The following C12orf50 variants were observed in gnomAD, a reference collection of about 807,000 sequenced individuals.
C12orf50 encodes zinc finger CCCH-type containing 11D.
In C12orf50, 35 loss-of-function variants were observed where a neutral mutation model predicts 61.6. The ratio of observed to expected loss-of-function variants is 0.57; its 90% CI spans 0.43 to 0.75. The LOEUF (loss-of-function observed/expected upper bound fraction) is 0.75. Among genes scored for constraint, C12orf50 ranks in the 30% least tolerant of loss-of-function variants. The probability of loss-of-function intolerance (pLI) is 0.00; values close to 1 mark genes in which losing one functional copy is unlikely to be tolerated. For synonymous variants in C12orf50, 178 were observed against 161.5 expected (o/e 1.10, Z -0.77); for missense variants, 475 against 488.5 (o/e 0.97, Z 0.26).
chr12:87,998,204 G>T lies in C12orf50; in HGVS notation c.134-14C>A. The T allele has an allele frequency of 1.2e-6, 2 of 1,605,716 alleles. No individual in the cohort carries two copies. The highest frequency in any genetic ancestry group is 2.2e-5 in the South Asian group (2 of 90,074). On this transcript the variant is annotated splice_polypyrimidine_tract_variant and intron_variant, in intron 3 of 12. Coordinates refer to ENST00000298699, the MANE Select transcript of C12orf50 (RefSeq NM_152589.3). ...GTAGTGTGATATCTGCAGAGAAAAT[G>T]CAACATTTCAGTCTGTTCAAGATAT... is the stretch of plus-strand genomic sequence containing the variant.
chr12:88,000,985 T>A (rs894343954), intron 3 of C12orf50, among the ~76,000 whole-genome samples: 4 of 151,878 alleles, frequency 2.6e-5, no homozygotes, highest in Non-Finnish European at 5.9e-5. Flanking sequence ...TTGCTCTTTC[T>A]TTCCAATACA....
rs565833564 is a variant in C12orf50 at position 88,023,976 on chromosome 12, G to A, written c.133+2512C>T. Among the ~76,000 whole-genome samples the A allele has an allele frequency of 4.6e-5, 7 of 152,200 alleles. No homozygotes were observed. In the South Asian group the frequency reaches 8.3e-4, roughly 18 times the overall value. On this transcript the variant is annotated intron_variant, in intron 3 of 12. Coordinates refer to ENST00000298699, the MANE Select transcript of C12orf50 (RefSeq NM_152589.3). ...CTTCATTAAAAAGTGGGAAAAGCAC[G>A]TGAACGCTTTTCAAAAGAAGACATA...
In C12orf50 at chr12:88,012,757, A is replaced by G. The variant is rs1012450792; in HGVS notation, c.133+13731T>C. ...ATATCCTACAAAGCAACTAACCTGA[A>G]CTCTTTTAAAATGTATATGACATGG... On this transcript the variant is annotated intron_variant, in intron 3 of 12. Coordinates refer to ENST00000298699, the MANE Select transcript of C12orf50 (RefSeq NM_152589.3). Among the ~76,000 whole-genome samples, 25 of 152,208 alleles carry G rather than the reference A, an allele frequency of 1.6e-4. 1 individual carries two copies. Among genetic ancestry groups the G allele is most frequent in the Admixed American group, 1.3e-3 (20 of 15,280 alleles).
Position 87,987,791 on chromosome 12 carries a change from C to G in C12orf50, c.817+59G>C. ...AAAATTCTATTTTAAATAAGCAAAA[C>G]AAATCCATGGTAAGACAAATATATC... On this transcript the variant is annotated intron_variant, in intron 9 of 12. Coordinates refer to ENST00000298699, the MANE Select transcript of C12orf50 (RefSeq NM_152589.3). 9.0e-6 allele frequency: 10 copies of G among 1,109,176 alleles called. No individual in the cohort carries two copies. The South Asian group carries it at 1.4e-4, about 16-fold the overall frequency. The allele number at this position is 1,109,176 out of a possible 1,614,324, so 68.7% of individuals were successfully genotyped here.
At chr12:88,024,439 T>C (rs923004961) in intron 3 of C12orf50, among the ~76,000 whole-genome samples, 1 of 152,206 alleles carries the variant, frequency 6.6e-6, no homozygotes, top group Non-Finnish European at 1.5e-5. Context: ...CATGGATTAC[T>C]ACACGCCATA....
At chr12:88,020,484 C>T (rs1244082608) in intron 3 of C12orf50, among the ~76,000 whole-genome samples, 1 of 152,010 alleles carries the variant, frequency 6.6e-6, no homozygotes, top group East Asian at 1.9e-4. Flanking sequence ...AACAAGAAGA[C>T]CTTACTATCC....
chr12:88,016,320 AC>A (rs2032309692), intron 3 of C12orf50, among the ~76,000 whole-genome samples: 1 of 152,102 alleles, frequency 6.6e-6, no homozygotes. Flanking sequence ...ATTTACCGAC[AC>A]TCATAAAGGT....
rs766155406 is a variant in C12orf50, at chr12:87,986,072, G to A, written c.923-19C>T. ...TGTACTGCTGTAAAGAAAGGTGGGA[G>A]GGAGTGAGGAATAAAACAGGCTGGT... On this transcript the variant is annotated intron_variant, in intron 10 of 12. Coordinates refer to ENST00000298699, the MANE Select transcript of C12orf50 (RefSeq NM_152589.3). 2 of 1,608,488 alleles carry A rather than the reference G, an allele frequency of 1.2e-6. No homozygotes were observed. The highest frequency in any genetic ancestry group is 4.5e-5 in the East Asian group (2 of 44,842).
In C12orf50 at chr12:87,996,598, C is replaced by T; in HGVS notation, c.338G>A (p.Arg113Lys). Residue 113 changes from arginine (R) to lysine (K), a missense_variant, in exon 5 of 13, where the codon AGA (arginine) becomes AAA (lysine). Transcript: ENST00000298699. ...TTTATAACACATCTCCTTTATTGCT[C>T]TTTTTTCTTCAATTTCTTCAGGGGT... ...TKTPEEIEEK[R>K]AIKEMCYKSG... The T allele has an allele frequency of 6.2e-6, 10 of 1,609,806 alleles. No individual in the cohort carries two copies. The highest frequency in any genetic ancestry group is 8.5e-6 in the Non-Finnish European group (10 of 1,176,580).
intron 3 of C12orf50, among the ~76,000 whole-genome samples, chr12:88,017,380 G>C (rs1017525198): frequency 7.9e-5 from 12 of 152,180 alleles, no homozygotes; most frequent in African/African-American, 2.9e-4. Context: ...CTTCCACCAT[G>C]ATTGTGAGGC....
At chr12:88,006,749 GA>G (rs374666413) in intron 3 of C12orf50, among the ~76,000 whole-genome samples, 8 of 152,254 alleles carry the variant, frequency 5.3e-5, no homozygotes, top group Non-Finnish European at 1.0e-4. Context: ...TGGAGAGGAT[GA>G]GAAATGTTAG....
chr12:88,027,028 T>G lies in C12orf50; in HGVS notation c.-66A>C, dbSNP rs905386381. On this transcript the variant is annotated 5_prime_UTR_variant, in exon 2 of 13. Transcript: ENST00000298699. ...CTCCATAATGAGCACACAGTGTCAC[T>G]GCCAAGGGCCTCTTCACAGTGTCGG... 9 of 1,613,810 alleles carry G rather than the reference T, an allele frequency of 5.6e-6. No homozygotes were observed. The Admixed American group carries it at 6.7e-5, about 12-fold the overall frequency.
Position 87,989,387 on chromosome 12 carries a change from AC to A in C12orf50, c.593-17del. 1 of 1,571,558 alleles carries A rather than the reference AC, an allele frequency of 6.4e-7. No homozygotes were observed. Among genetic ancestry groups the A allele is most frequent in the South Asian group, 1.1e-5 (1 of 88,960 alleles). On this transcript the variant is annotated splice_polypyrimidine_tract_variant and intron_variant, in intron 7 of 12. Coordinates refer to ENST00000298699, the MANE Select transcript of C12orf50 (RefSeq NM_152589.3). ...CAGTCACCTCCTATGACAAAACCTT[AC>A]TGTCAGTGGCAACAATGGCAGAAAG...
In C12orf50 at chr12:88,008,568, T is replaced by C. The variant is rs114283659; in HGVS notation, c.134-10378A>G. On this transcript the variant is annotated intron_variant, in intron 3 of 12. Coordinates refer to ENST00000298699, the MANE Select transcript of C12orf50 (RefSeq NM_152589.3). ...AAGGAAATAAAGAATTGTTTCTTAA[T>C]ATAAAGAATTATTTATATAATTCTT... Among the ~76,000 whole-genome samples, 551 of 152,214 alleles carry C rather than the reference T, an allele frequency of 3.6e-3. 4 individuals carry two copies. The highest frequency in any genetic ancestry group is 0.013 in the African/African-American group (528 of 41,564).
In C12orf50 at chr12:87,982,904, T is replaced by C. The variant is rs144714982; in HGVS notation, c.1219+199A>G. 1.5e-3 allele frequency among the ~76,000 whole-genome samples: 227 copies of C among 151,768 alleles called. 2 individuals are homozygous for C. Among genetic ancestry groups the C allele is most frequent in the African/African-American group, 5.3e-3 (218 of 41,388 alleles). On this transcript the variant is annotated intron_variant, in intron 12 of 12. Coordinates refer to ENST00000298699, the MANE Select transcript of C12orf50 (RefSeq NM_152589.3). ...AACGTTTTTGGGTAACACATAAAAA[T>C]AGGCAAAGAGGAACACAGTAAAACA... is the stretch of plus-strand genomic sequence containing the variant.
At chr12:87,991,452 A>C (rs968551842) in intron 7 of C12orf50, among the ~76,000 whole-genome samples, 78 of 152,192 alleles carry the variant, frequency 5.1e-4, no homozygotes, top group African/African-American at 1.8e-3. Flanking sequence ...GTCAAATAGA[A>C]ATTTAGAATT....
At chr12:87,994,415 A>G (rs1217404604) in intron 7 of C12orf50, among the ~76,000 whole-genome samples, 1 of 152,038 alleles carries the variant, frequency 6.6e-6, no homozygotes, top group Non-Finnish European at 1.5e-5. Flanking sequence ...TCATTAAAAT[A>G]TGAAAAATGG....
chr12:88,027,004 T>C lies in C12orf50; in HGVS notation c.-42A>G. On this transcript the variant is annotated 5_prime_UTR_variant, in exon 2 of 13. Coordinates refer to ENST00000298699, the MANE Select transcript of C12orf50 (RefSeq NM_152589.3). Reference sequence around the variant, plus strand: ...AGTGGATCTAAACATTTCCTCTCTCTCCATAATGAGCACACAGTGTCACTG... The same window carrying C: ...AGTGGATCTAAACATTTCCTCTCTCCCCATAATGAGCACACAGTGTCACTG... 4 of 1,613,990 alleles carry C rather than the reference T, an allele frequency of 2.5e-6. No individual in the cohort carries two copies. The highest frequency in any genetic ancestry group is 3.4e-6 in the Non-Finnish European group (4 of 1,179,962).
At chr12:88,003,459 A>C (rs922611741) in intron 3 of C12orf50, among the ~76,000 whole-genome samples, 10 of 152,098 alleles carry the variant, frequency 6.6e-5, no homozygotes, top group Non-Finnish European at 1.2e-4. Context: ...TTTCCACCTG[A>C]AAGTTTTCCT....
Sources: gnomAD v4.1 joint callset for allele counts (sites outside exome capture counted in the v4.1 genomes callset) on GRCh38, gnomAD v4.1.1 for gene constraint, MANE v1.5 for transcripts, NCBI Gene and HGNC (gene_info 2026-07-23, HGNC 2026-07-21) for gene names.